EIF2AK2: variants seen among roughly 807,000 people sequenced by gnomAD.
EIF2AK2 encodes the protein interferon-induced, double-stranded RNA-activated protein kinase.
In EIF2AK2, 40 loss-of-function variants were observed where a neutral mutation model predicts 70.5. The observed-to-expected ratio is 0.57, with a 90% CI of 0.44 to 0.74. EIF2AK2 has a LOEUF of 0.74. EIF2AK2 is among the 30% of genes least tolerant of loss of function. The pLI is 0.00. For synonymous variants in EIF2AK2, 198 were observed against 220.9 expected (o/e 0.90, Z 0.92); for missense variants, 555 against 644.3 (o/e 0.86, Z 1.50).
intron 5 of EIF2AK2, among the ~76,000 whole-genome samples, chr2:37,140,404 C>T: frequency 6.6e-6 from 1 of 152,158 alleles, no homozygotes; most frequent in East Asian, 1.9e-4. Flanking sequence ...ATGGACATGG[C>T]AATTTATATC....
chr2:37,126,192 A>G, intron 11 of EIF2AK2, 97 bp downstream of exon 11: 8 of 1,425,840 alleles, frequency 5.6e-6, no homozygotes, highest in Non-Finnish European at 7.5e-6. Context: ...AGAAAGAAAT[A>G]AATGATACCC....
chr2:37,143,010 C>T (rs1418503847), intron 4 of EIF2AK2, among the ~76,000 whole-genome samples: 3 of 152,062 alleles, frequency 2.0e-5, no homozygotes, highest in Non-Finnish European at 4.4e-5. Context: ...GAGTGGATCA[C>T]GAGGTCAGGA....
intron 10 of EIF2AK2, among the ~76,000 whole-genome samples, chr2:37,128,047 A>G (rs1272043671): frequency 6.6e-6 from 1 of 152,118 alleles, no homozygotes; most frequent in African/African-American, 2.4e-5. Context: ...TGGCCTGTTC[A>G]TGTAATTATT....
chr2:37,146,770 T>C (rs1675556655), intron 4 of EIF2AK2, 83 bp downstream of exon 4: 1 of 1,532,188 alleles, frequency 6.5e-7, no homozygotes, highest in East Asian at 2.3e-5. Flanking sequence ...GGCTTTACTC[T>C]GTATGAAAGT....
intron 1 of EIF2AK2, among the ~76,000 whole-genome samples, chr2:37,153,242 C>T (rs894626387): frequency 2.0e-5 from 3 of 152,058 alleles, no homozygotes; most frequent in African/African-American, 7.2e-5. Flanking sequence ...GCCGCCACCA[C>T]ATCCACATCC....
intron 5 of EIF2AK2, 129 bp downstream of exon 5, chr2:37,141,424 C>A (rs4648175): frequency 0.04 from 44,089 of 1,101,820 alleles, 1,049 homozygotes; most frequent in Middle Eastern, 0.047. Context: ...AATTACTTAT[C>A]AATCATGTAA....
chr2:37,126,967 G>GAAAAAAAAA (rs57802509), intron 10 of EIF2AK2, among the ~76,000 whole-genome samples: 5 of 52,168 alleles, frequency 9.6e-5, no homozygotes, highest in African/African-American at 1.5e-4. Context: ...CAAAAAAACA[G>GAAAAAAAAA]AAAAAAAAAA....
chr2:37,115,070 C>G (rs1356876995), intron 13 of EIF2AK2: 3 of 202,656 alleles, frequency 1.5e-5, no homozygotes, highest in Non-Finnish European at 9.7e-6. Flanking sequence ...TCTTTTGGGC[C>G]GGAGTCTCGC....
chr2:37,154,260 G>A (rs949564348), intron 1 of EIF2AK2, among the ~76,000 whole-genome samples: 8 of 151,952 alleles, frequency 5.3e-5, no homozygotes, highest in Admixed American at 4.6e-4. Flanking sequence ...AGGAGGTGGA[G>A]GTTGCGGTGA....
chr2:37,148,689 C>G, intron 2 of EIF2AK2, 168 bp downstream of exon 2: 1 of 814,158 alleles, frequency 1.2e-6, no homozygotes, highest in Non-Finnish European at 2.2e-6. Context: ...AGGAACAATA[C>G]AATTTGCTTT....
At chr2:37,155,111 C>G (rs189919156) in intron 1 of EIF2AK2, among the ~76,000 whole-genome samples, 1 of 152,064 alleles carries the variant, frequency 6.6e-6, no homozygotes, top group Non-Finnish European at 1.5e-5. Flanking sequence ...CTCAAAAGCA[C>G]GCTTCCACCA....
chr2:37,117,128 T>G (rs116551874), intron 13 of EIF2AK2, among the ~76,000 whole-genome samples: 10,538 of 148,776 alleles, frequency 0.071, 445 homozygotes, highest in African/African-American at 0.12. Flanking sequence ...CAGGAGAATC[T>G]CGTGAACCCA....
chr2:37,147,043 C>T, intron 3 of EIF2AK2, 70 bp from the exon 4 acceptor site: 1 of 1,441,780 alleles, frequency 6.9e-7, no homozygotes, highest in Non-Finnish European at 9.4e-7. Flanking sequence ...GTACTCTAGT[C>T]ATCACTACCT....
chr2:37,123,417 C>T lies in EIF2AK2; in HGVS notation c.909-753G>A, dbSNP rs1048603358. Among the ~76,000 whole-genome samples, 8 of 151,930 alleles carry T rather than the reference C, an allele frequency of 5.3e-5. No individual in the cohort carries two copies. In the East Asian group the frequency reaches 1.6e-3, roughly 30 times the overall value. On this transcript the variant is annotated intron_variant, in intron 11 of 16. Coordinates refer to ENST00000233057, the MANE Select transcript of EIF2AK2 (RefSeq NM_001135651.3). Reference sequence around the variant, plus strand: ...GAGTAGCTGGGACCACAGGAGCACACCACCACACCCATCTAATTTTTTCTA... The same window carrying T: ...GAGTAGCTGGGACCACAGGAGCACATCACCACACCCATCTAATTTTTTCTA...
At chr2:37,130,260 C>A (rs1674893369) in intron 10 of EIF2AK2, among the ~76,000 whole-genome samples, 1 of 152,124 alleles carries the variant, frequency 6.6e-6, no homozygotes, top group African/African-American at 2.4e-5. Context: ...TGCCACCATG[C>A]CCAACTAATT....
Position 37,146,910 on chromosome 2 carries a change from C to T in EIF2AK2, c.183G>A (p.Lys61=), listed in dbSNP as rs1675564569. ...ATTTGGCTGCGGCATTTTTTGCTTCCTTCTTTGATCTACCTTCACCTTCTG... is the reference window on the plus strand; with the variant it reads ...ATTTGGCTGCGGCATTTTTTGCTTCTTTCTTTGATCTACCTTCACCTTCTG... ...EFPEGEGRSK[K]EAKNAAAKLA... Residue 61 remains lysine (K), a synonymous_variant, in exon 4 of 17, where the codon AAG becomes AAA. Coordinates refer to ENST00000233057, the MANE Select transcript of EIF2AK2 (RefSeq NM_001135651.3). 1 of 1,613,684 alleles carries T rather than the reference C, an allele frequency of 6.2e-7. No homozygotes were observed. Among genetic ancestry groups the T allele is most frequent in the South Asian group, 1.1e-5 (1 of 91,080 alleles).
Position 37,109,208 on chromosome 2 carries a change from A to G in EIF2AK2, c.1465T>C (p.Phe489Leu). The change falls in exon 15 of 17, where the codon TTT (phenylalanine) becomes CTT (leucine). Residue 489 changes from phenylalanine to leucine, a missense_variant. Coordinates refer to ENST00000233057, the MANE Select transcript of EIF2AK2 (RefSeq NM_001135651.3). ...AELLHVCDTA[F>L]ETSKFFTDLR... ...GATAATTTTACCTTTGATGTTTCAA[A>G]AGCAGTGTCACATACATGAAGAAGT... The G allele has an allele frequency of 6.2e-7, 1 of 1,614,010 alleles. No individual in the cohort carries two copies. The highest frequency in any genetic ancestry group is 8.5e-7 in the Non-Finnish European group (1 of 1,179,972).
At chr2:37,149,824 C>G (rs1346341412) in intron 1 of EIF2AK2, among the ~76,000 whole-genome samples, 1 of 152,092 alleles carries the variant, frequency 6.6e-6, no homozygotes, top group Non-Finnish European at 1.5e-5. Context: ...GTGGTTGGTC[C>G]CTGTGCATCT....
intron 14 of EIF2AK2, among the ~76,000 whole-genome samples, chr2:37,112,534 T>C (rs900590011): frequency 6.6e-6 from 1 of 152,192 alleles, no homozygotes; most frequent in Non-Finnish European, 1.5e-5. Flanking sequence ...TCATTTGGAA[T>C]TGTAAATGTG....
Sources: allele counts gnomAD v4.1 joint callset (sites outside exome capture counted in the v4.1 genomes callset), GRCh38; gene constraint gnomAD v4.1.1; transcripts MANE v1.5; gene names NCBI Gene and HGNC (gene_info 2026-07-23, HGNC 2026-07-21).